Variants in GRIN2A observed in about 807,000 individuals in gnomAD.
GRIN2A encodes glutamate ionotropic receptor NMDA type subunit 2A.
In GRIN2A, 22 loss-of-function variants were observed where a neutral mutation model predicts 113.4. The ratio of observed to expected loss-of-function variants is 0.19; its 90% CI spans 0.14 to 0.28. GRIN2A has a LOEUF of 0.28. Ranked by LOEUF, GRIN2A falls within the 10% of genes least tolerant of loss-of-function variation. The pLI is 1.00. For missense variants in GRIN2A, 1,502 were observed against 1,887.0 expected (o/e 0.80, Z 3.78); for synonymous variants, 827 against 738.4 (o/e 1.12, Z -1.94).
At chr16:9,941,946 C>T (rs2044889461) in intron 2 of GRIN2A, among the ~76,000 whole-genome samples, 2 of 152,138 alleles carry the variant, frequency 1.3e-5, no homozygotes. Flanking sequence ...GGTTTGCCTG[C>T]CCTCAGGGTC....
At chr16:9,969,053 A>G (rs1309658738) in intron 2 of GRIN2A, among the ~76,000 whole-genome samples, 1 of 152,168 alleles carries the variant, frequency 6.6e-6, no homozygotes, top group Non-Finnish European at 1.5e-5. Context: ...TTTTTTTCAC[A>G]GCAAGTCTGA....
chr16:9,849,984 C>T (rs373098297), intron 4 of GRIN2A, 23 bp from the exon 5 acceptor site: 34 of 1,599,156 alleles, frequency 2.1e-5, no homozygotes, highest in African/African-American at 1.1e-4. Flanking sequence ...CACAAAGACA[C>T]AGCTGTGCTT....
intron 11 of GRIN2A, among the ~76,000 whole-genome samples, chr16:9,780,167 A>C (rs1179941554): frequency 6.6e-6 from 1 of 152,234 alleles, no homozygotes; most frequent in Admixed American, 6.5e-5. Flanking sequence ...GCTGGCAGGA[A>C]TGTAAATTGG....
intron 2 of GRIN2A, among the ~76,000 whole-genome samples, chr16:10,143,027 C>T (rs2049359693): frequency 6.6e-6 from 1 of 152,170 alleles, no homozygotes; most frequent in Admixed American, 6.5e-5. Context: ...GGATAGATTA[C>T]CTTAATTCTA....
intron 2 of GRIN2A, among the ~76,000 whole-genome samples, chr16:9,976,915 C>G (rs190630705): frequency 6.6e-6 from 1 of 152,284 alleles, no homozygotes; most frequent in Non-Finnish European, 1.5e-5. Context: ...GAGTGGAATA[C>G]AAAATAGTTT....
chr16:9,784,819 A>T lies in GRIN2A; in HGVS notation c.2356+13458T>A, dbSNP rs573042748. On this transcript the variant is annotated intron_variant, in intron 11 of 12. Coordinates refer to ENST00000330684, the MANE Select transcript of GRIN2A (RefSeq NM_001134407.3). ...ACTTCTCAAAAGAAGACATTTATGC[A>T]GTCAAAAGATACATGAAAAAATGCT... Among the ~76,000 whole-genome samples the T allele has an allele frequency of 1.1e-4, 14 of 132,162 alleles. No individual in the cohort carries two copies. In the South Asian group the frequency reaches 2.9e-3, roughly 27 times the overall value. 86.7% of individuals were successfully genotyped at this position (132,162 alleles called of 152,430 possible). A position where few individuals can be genotyped will look rare whatever the true frequency, so the allele number is the denominator to read the frequency against.
intron 11 of GRIN2A, among the ~76,000 whole-genome samples, chr16:9,791,530 C>T (rs982828339): frequency 2.6e-5 from 4 of 152,176 alleles, no homozygotes; most frequent in African/African-American, 9.7e-5. Flanking sequence ...TCAGAATGGA[C>T]ACATGTGTGG....
At chr16:9,881,223 C>T (rs1030216695) in intron 4 of GRIN2A, among the ~76,000 whole-genome samples, 6 of 152,188 alleles carry the variant, frequency 3.9e-5, no homozygotes, top group Non-Finnish European at 7.3e-5. Context: ...TCTCATTTGC[C>T]AGAAGTTATT....
intron 11 of GRIN2A, among the ~76,000 whole-genome samples, chr16:9,784,660 A>AGAGT (rs1463008604): frequency 6.6e-6 from 1 of 152,166 alleles, no homozygotes; most frequent in Non-Finnish European, 1.5e-5. Flanking sequence ...GGCAACCTAC[A>AGAGT]GAATGGGAGA....
intron 11 of GRIN2A, among the ~76,000 whole-genome samples, chr16:9,769,428 GGTTTT>G (rs894700665): frequency 2.9e-4 from 41 of 140,530 alleles, no homozygotes; most frequent in African/African-American, 1.1e-3. Context: ...CACAGTTCCT[GGTTTT>G]GTTTTTTGGA....
rs145128203 is a variant in GRIN2A at position 9,902,629 on chromosome 16, G to A, written c.1008-11529C>T. Among the ~76,000 whole-genome samples the A allele has an allele frequency of 1.4e-3, 214 of 152,194 alleles. 2 individuals are homozygous for A. The highest frequency in any genetic ancestry group is 4.4e-3 in the African/African-American group (184 of 41,524). Reference sequence around the variant, plus strand: ...GATTTCAAAGGCTTTGAATTAAGGTGCACCAGCACTCATTTAACCTCCCTA... The same window carrying A: ...GATTTCAAAGGCTTTGAATTAAGGTACACCAGCACTCATTTAACCTCCCTA... On this transcript the variant is annotated intron_variant, in intron 3 of 12. Coordinates refer to ENST00000330684, the MANE Select transcript of GRIN2A (RefSeq NM_001134407.3).
At chr16:9,940,598 A>C (rs1427847044) in intron 2 of GRIN2A, among the ~76,000 whole-genome samples, 1 of 152,202 alleles carries the variant, frequency 6.6e-6, no homozygotes, top group Non-Finnish European at 1.5e-5. Context: ...TGAAGATGTG[A>C]ATGAAGCCTA....
intron 8 of GRIN2A, among the ~76,000 whole-genome samples, chr16:9,833,698 A>G (rs1596475965): frequency 3.3e-5 from 5 of 152,276 alleles, no homozygotes; most frequent in African/African-American, 1.2e-4. Context: ...CATTCATACA[A>G]TGGTACACCA....
At chr16:9,952,595 G>A (rs1159642596) in intron 2 of GRIN2A, among the ~76,000 whole-genome samples, 3 of 152,054 alleles carry the variant, frequency 2.0e-5, no homozygotes, top group Non-Finnish European at 2.9e-5. Context: ...TCACCTTTAC[G>A]TTCCATATAA....
intron 2 of GRIN2A, among the ~76,000 whole-genome samples, chr16:10,003,766 CAGCAAAGAATGAGGTCATTAA>C (rs1162420533): frequency 2.0e-5 from 3 of 152,284 alleles, no homozygotes; most frequent in African/African-American, 7.2e-5. Flanking sequence ...TGGGCTTATG[CAGCAAAGAATGAGGTCATTAA>C]AGCAAAGACA....
intron 2 of GRIN2A, among the ~76,000 whole-genome samples, chr16:10,114,351 C>A (rs2048686886): frequency 1.3e-5 from 2 of 152,162 alleles, no homozygotes; most frequent in Admixed American, 1.3e-4. Context: ...AGGTTTTGAT[C>A]CACCCAAGAG....
At chr16:10,022,194 A>G (rs898022497) in intron 2 of GRIN2A, among the ~76,000 whole-genome samples, 2 of 152,064 alleles carry the variant, frequency 1.3e-5, no homozygotes, top group African/African-American at 4.8e-5. Context: ...TATGTGTTGA[A>G]TAAGTGAATA....
intron 2 of GRIN2A, among the ~76,000 whole-genome samples, chr16:10,151,825 C>T (rs544381843): frequency 6.6e-6 from 1 of 152,170 alleles, no homozygotes; most frequent in African/African-American, 2.4e-5. Flanking sequence ...GTGTTATAAA[C>T]GAAAGAATCT....
chr16:10,064,856 G>T (rs941538641), intron 2 of GRIN2A, among the ~76,000 whole-genome samples: 6 of 152,188 alleles, frequency 3.9e-5, no homozygotes, highest in Admixed American at 3.9e-4. Flanking sequence ...TTGATATTCA[G>T]CTGGTTGTTT....
Sources: allele counts gnomAD v4.1 joint callset (sites outside exome capture counted in the v4.1 genomes callset), GRCh38; gene constraint gnomAD v4.1.1; transcripts MANE v1.5; gene names NCBI Gene and HGNC (gene_info 2026-07-23, HGNC 2026-07-21).